The following CFAP65 variants were observed in gnomAD, a reference collection of about 807,000 sequenced individuals.
CFAP65 encodes the protein cilia and flagella associated protein 65.
Under a neutral mutation model 208.0 loss-of-function variants are expected in CFAP65, and 155 were observed. That is an observed-to-expected ratio of 0.75 (90% CI 0.65 to 0.85). The LOEUF (loss-of-function observed/expected upper bound fraction) is 0.85, where lower values mean the gene tolerates loss of function less well. CFAP65 is among the 40% of genes least tolerant of loss of function. The probability of loss-of-function intolerance (pLI) is 0.00; values close to 1 mark genes in which losing one functional copy is unlikely to be tolerated. For missense variants in CFAP65, 2,294 were observed against 2,451.3 expected (o/e 0.94, Z 1.36); for synonymous variants, 970 against 986.3 (o/e 0.98, Z 0.31).
intron 27 of CFAP65, among the ~76,000 whole-genome samples, 168 bp from the exon 28 acceptor site, chr2:219,009,628 G>C (rs1192583392): frequency 8.3e-6 from 1 of 121,154 alleles, no homozygotes; most frequent in Non-Finnish European, 1.6e-5. Context: ...GAATGGGATG[G>C]GATGGGATGG....
chr2:219,009,199 G>T (rs952250327), intron 28 of CFAP65, 45 bp from the exon 29 acceptor site: 1 of 1,570,468 alleles, frequency 6.4e-7, no homozygotes, highest in East Asian at 2.2e-5. Flanking sequence ...TCTGGAGCTT[G>T]CCCGGGGCCT....
At position 219,003,705 on chromosome 2, in the gene CFAP65, T is replaced by G. The variant is rs1367907997; in HGVS notation, c.5555+247A>C. ...AGCCCATTTACAAGACTTTGCAGACTATAACAATTCTCCTGGTAAGTTGGT... is the reference window on the plus strand; with the variant it reads ...AGCCCATTTACAAGACTTTGCAGACGATAACAATTCTCCTGGTAAGTTGGT... On this transcript the variant is annotated intron_variant, in intron 33 of 34. Transcript: ENST00000341552. The surrounding 1 kb of genome is among the most constrained non-coding windows in gnomAD (Gnocchi z 4.4). Among the ~76,000 whole-genome samples the G allele has an allele frequency of 6.6e-6, 1 of 152,186 alleles. No individual in the cohort carries two copies. Among genetic ancestry groups the G allele is most frequent in the Non-Finnish European group, 1.5e-5 (1 of 68,034 alleles).
intron 4 of CFAP65, among the ~76,000 whole-genome samples, chr2:219,037,760 C>CA (rs1204154888): frequency 6.6e-6 from 1 of 152,190 alleles, no homozygotes; most frequent in African/African-American, 2.4e-5. Flanking sequence ...ACATGACCCT[C>CA]AGTCCACAGG....
Position 219,021,856 on chromosome 2 carries a change from A to T in CFAP65, c.3054T>A (p.Asn1018Lys). ...SKQSRFLVLLNDGNCTLYYRL... is the reference protein window; with the variant it reads ...SKQSRFLVLLKDGNCTLYYRL... ...GGTAATAGAGGGTGCAGTTGCCGTC[A>T]TTCAGGAGGACAAGGAACCTGGACT... The change falls in exon 18 of 35, where the codon AAT (asparagine) becomes AAA (lysine). Residue 1018 changes from asparagine (N) to lysine (K), a missense_variant. By Grantham distance (94) the Asn-to-Lys change is moderately conservative. Coordinates refer to ENST00000341552, the MANE Select transcript of CFAP65 (RefSeq NM_194302.4). 1 of 1,613,830 alleles carries T rather than the reference A, an allele frequency of 6.2e-7. No individual in the cohort carries two copies. Among genetic ancestry groups the T allele is most frequent in the Non-Finnish European group, 8.5e-7 (1 of 1,180,020 alleles).
intron 5 of CFAP65, chr2:219,035,228 T>C (rs2106257437): frequency 1.6e-6 from 2 of 1,263,622 alleles, no homozygotes; most frequent in Non-Finnish European, 2.1e-6. Flanking sequence ...CAGTCCCAAA[T>C]AGAAACAGCC....
intron 23 of CFAP65, 41 bp downstream of exon 23, chr2:219,013,478 C>A: frequency 6.3e-7 from 1 of 1,576,706 alleles, no homozygotes; most frequent in Non-Finnish European, 8.6e-7. Context: ...CCCCCTCCTC[C>A]AGCCTGAAAC....
rs865989209 is a variant in CFAP65 at position 219,012,365 on chromosome 2, A to G, written c.3957+894T>C. On this transcript the variant is annotated intron_variant, in intron 24 of 34. Coordinates refer to ENST00000341552, the MANE Select transcript of CFAP65 (RefSeq NM_194302.4). ...CTCCTTTTAGCAAATGGCACTATGT[A>G]TTCCCAGTAGCTCAAACCAGCTTCA... Among the ~76,000 whole-genome samples, 64 of 152,324 alleles carry G rather than the reference A, an allele frequency of 4.2e-4. 1 individual carries two copies. Among genetic ancestry groups the G allele is most frequent in the African/African-American group, 1.5e-3 (62 of 41,572 alleles).
intron 23 of CFAP65, 22 bp downstream of exon 23, chr2:219,013,497 G>A (rs1417938242): frequency 3.1e-6 from 5 of 1,589,282 alleles, no homozygotes; most frequent in Non-Finnish European, 3.4e-6. Flanking sequence ...ACTAGGGCAG[G>A]GCCAGTGTGC....
At position 219,010,537 on chromosome 2, in the gene CFAP65, TTTCC is replaced by T; in HGVS notation, c.4308+5_4308+8del. 1.2e-6 allele frequency: 2 copies of T among 1,605,630 alleles called. No homozygotes were observed. The highest frequency in any genetic ancestry group is 1.7e-6 in the Non-Finnish European group (2 of 1,178,010). ...AGGCCTCAGGCCTTCCTAGCTCCCCTTTCCCCACCTGTCCAGGCACCACCAGCCT... is the reference window on the plus strand; with the variant it reads ...AGGCCTCAGGCCTTCCTAGCTCCCCTCCACCTGTCCAGGCACCACCAGCCT... On this transcript the variant is annotated splice_donor_5th_base_variant and intron_variant, in intron 26 of 34. Coordinates refer to ENST00000341552, the MANE Select transcript of CFAP65 (RefSeq NM_194302.4).
intron 13 of CFAP65, 28 bp from the exon 14 acceptor site, chr2:219,026,187 G>T (rs1486601754): frequency 3.1e-6 from 5 of 1,598,130 alleles, no homozygotes; most frequent in Non-Finnish European, 4.3e-6. Context: ...CCACGGAAAA[G>T]CTCAGAGTCC....
In CFAP65 at chr2:219,027,993, G is replaced by A. The variant is rs747787043; in HGVS notation, c.1868C>T (p.Pro623Leu). Reference protein sequence around the residue: ...MIPIQDLEDMPAPQYPYIPPM... With the variant: ...MIPIQDLEDMLAPQYPYIPPM... ...GGGGATATAAGGGTACTGCGGGGCC[G>A]GCATGTCCTCCAGATCCTGCATGGG... is the stretch of plus-strand genomic sequence containing the variant. The change falls in exon 13 of 35, where the codon CCG (proline) becomes CTG (leucine). Residue 623 changes from proline to leucine, a missense_variant. Transcript: ENST00000341552. The A allele has an allele frequency of 2.0e-6, 3 of 1,517,272 alleles. No individual in the cohort carries two copies. Among genetic ancestry groups the A allele is most frequent in the Non-Finnish European group, 1.8e-6 (2 of 1,134,484 alleles). The allele number at this position is 1,517,272 out of a possible 1,614,324, so 94.0% of individuals were successfully genotyped here.
chr2:219,004,027 T>C lies in CFAP65; in HGVS notation c.5480A>G (p.Gln1827Arg), dbSNP rs758087222. 3 of 1,614,092 alleles carry C rather than the reference T, an allele frequency of 1.9e-6. No homozygotes were observed. The highest frequency in any genetic ancestry group is 8.5e-7 in the Non-Finnish European group (1 of 1,180,036). Reference sequence around the variant, plus strand: ...ATTCAGCTGCTGTTGCCACTGCCATTGCATGGACTCCTGGGACTCAGGCTG... The same window carrying C: ...ATTCAGCTGCTGTTGCCACTGCCATCGCATGGACTCCTGGGACTCAGGCTG... ...TPQPESQESM[Q>R]WQWQQQLNVM... Residue 1827 changes from glutamine (Q) to arginine (R), a missense_variant, in exon 33 of 35, where the codon CAA (glutamine) becomes CGA (arginine). Physicochemically the swap from Gln to Arg is conservative, Grantham distance 43. Around this residue, in one of 2 missense-constraint regions of CFAP65, gnomAD observed 1,427 missense variants for 1,438.7 expected, o/e 0.99. Coordinates refer to ENST00000341552, the MANE Select transcript of CFAP65 (RefSeq NM_194302.4). This position sits in a 1 kb window ranked among gnomAD's most constrained non-coding sequence, Gnocchi z 4.7.
chr2:219,004,252 T>G lies in CFAP65; in HGVS notation c.5255A>C (p.Glu1752Ala). The change falls in exon 33 of 35, where the codon GAG becomes GCG. Residue 1752 changes from glutamate to alanine, a missense_variant. Glu to Ala is a moderately radical substitution (Grantham distance 107, BLOSUM62 -1). This residue lies in a region of CFAP65 where 1,427 missense variants were observed against 1,438.7 expected (regional missense o/e 0.99). Transcript: ENST00000341552. This position sits in a 1 kb window ranked among gnomAD's most constrained non-coding sequence, Gnocchi z 4.7. ...KGKQPKEDRP[E>A]HYPGLGKKEE... ...CTTCTTTCCCAACCCTGGATAGTGC[T>G]CTGGTCTGTCTTCCTTCGGCTGCTT... The G allele has an allele frequency of 6.2e-7, 1 of 1,614,104 alleles. No homozygotes were observed.
rs1330189341 is a variant in CFAP65, at chr2:219,013,534, A to G, written c.3831T>C (p.His1277=). The part of the protein sequence containing the change: ...DHLPVLFKVS[H]GREILLNFIG... Reference sequence around the variant, plus strand: ...GGGGCCTCACCAGGATCTCCCGGCCATGGGACACCTTGAAGAGCACTGGGA... The same window carrying G: ...GGGGCCTCACCAGGATCTCCCGGCCGTGGGACACCTTGAAGAGCACTGGGA... The change falls in exon 23 of 35, where the codon CAT becomes CAC. Residue 1277 remains histidine (H), a synonymous_variant. Transcript: ENST00000341552. 1 of 1,600,630 alleles carries G rather than the reference A, an allele frequency of 6.2e-7. No homozygotes were observed. Among genetic ancestry groups the G allele is most frequent in the Non-Finnish European group, 8.5e-7 (1 of 1,174,966 alleles).
At chr2:219,019,307 G>A (rs1947117587) in intron 20 of CFAP65, 128 bp from the exon 21 acceptor site, 1 of 1,284,338 alleles carries the variant, frequency 7.8e-7, no homozygotes, top group Admixed American at 2.6e-5. Context: ...TCAGGCGCAA[G>A]GGTGGGCTGG....
chr2:219,027,203 G>A, intron 13 of CFAP65: 1 of 1,274,374 alleles, frequency 7.8e-7, no homozygotes, highest in South Asian at 2.4e-5. Flanking sequence ...TCCCGACCCA[G>A]GGAAGCTGAG....
At position 219,016,750 on chromosome 2, in the gene CFAP65, T is replaced by C. The variant is rs183693997; in HGVS notation, c.3602+2301A>G. On this transcript the variant is annotated intron_variant, in intron 21 of 34. Coordinates refer to ENST00000341552, the MANE Select transcript of CFAP65 (RefSeq NM_194302.4). ...TAACCCATTCTCCTCCAGAGACCAGTGTGACAGGTCTTGAAAGCTGATCCT... is the reference window on the plus strand; with the variant it reads ...TAACCCATTCTCCTCCAGAGACCAGCGTGACAGGTCTTGAAAGCTGATCCT... 2.0e-3 allele frequency among the ~76,000 whole-genome samples: 299 copies of C among 152,318 alleles called. 1 individual carries two copies. The highest frequency in any genetic ancestry group is 3.5e-3 in the Non-Finnish European group (240 of 68,028).
chr2:219,027,994 G>T lies in CFAP65; in HGVS notation c.1867C>A (p.Pro623Thr). 6.6e-7 allele frequency: 1 copy of T among 1,517,314 alleles called. No individual in the cohort carries two copies. Among genetic ancestry groups the T allele is most frequent in the Non-Finnish European group, 8.8e-7 (1 of 1,134,502 alleles). The allele number at this position is 1,517,314 out of a possible 1,614,324, so 94.0% of individuals were successfully genotyped here. The stretch of plus-strand genomic sequence containing the variant: ...GGGATATAAGGGTACTGCGGGGCCG[G>T]CATGTCCTCCAGATCCTGCATGGGG... ...MIPIQDLEDM[P>T]APQYPYIPPM... The change falls in exon 13 of 35, where the codon CCG becomes ACG. Residue 623 changes from proline to threonine, a missense_variant. Transcript: ENST00000341552.
intron 21 of CFAP65, 59 bp from the exon 22 acceptor site, chr2:219,014,103 G>A: frequency 6.8e-7 from 1 of 1,468,966 alleles, no homozygotes. Context: ...GAGAGGCAGG[G>A]GCTCTGAGAC....
Sources: allele counts gnomAD v4.1 joint callset (sites outside exome capture counted in the v4.1 genomes callset), GRCh38; gene constraint gnomAD v4.1.1; regional missense constraint gnomAD v4.1.1; non-coding constraint Gnocchi (gnomAD v3.1); transcripts MANE v1.5; gene names NCBI Gene and HGNC (gene_info 2026-07-23, HGNC 2026-07-21).